Variants in RNF217 observed in about 807,000 individuals in gnomAD.
The protein encoded by RNF217 is E3 ubiquitin-protein ligase RNF217.
RNF217 carries 31 observed loss-of-function variants against 57.8 expected under a neutral mutation model. The observed-to-expected ratio is 0.54, with a 90% CI of 0.40 to 0.72. The LOEUF (loss-of-function observed/expected upper bound fraction) is 0.72. Ranked by LOEUF, RNF217 falls within the 30% of genes least tolerant of loss-of-function variation. The pLI, the probability that RNF217 is intolerant of heterozygous loss-of-function variation, is 0.00. For missense variants in RNF217, 696 were observed against 708.3 expected, an observed-to-expected ratio of 0.98 and a Z score of 0.20; for synonymous variants, 313 against 294.0, an observed-to-expected ratio of 1.06 and a Z score of -0.66.
At chr6:124,976,697 G>A (rs1453717950) in intron 1 of RNF217, among the ~76,000 whole-genome samples, 1 of 151,856 alleles carries the variant, frequency 6.6e-6, no homozygotes, top group African/African-American at 2.4e-5. Context: ...TAGAGATGGG[G>A]TTTCACCATG....
intron 3 of RNF217, among the ~76,000 whole-genome samples, chr6:125,059,940 T>A (rs1361268906): frequency 6.6e-6 from 1 of 152,190 alleles, no homozygotes; most frequent in Non-Finnish European, 1.5e-5. Context: ...CTGGTGGGAT[T>A]TGGGTTCTGT....
Position 125,090,235 on chromosome 6 carries a change from G to GA in RNF217, c.*7302dup, listed in dbSNP as rs1788896299. On this transcript the variant is annotated 3_prime_UTR_variant, in exon 6 of 6. Coordinates refer to ENST00000521654, the MANE Select transcript of RNF217 (RefSeq NM_001286398.3). Reference sequence around the variant, plus strand: ...ACAATCTGTTACAGATTTTTAATATGAAAATTGACAATTTTGTTGCTTTTA... The same window carrying GA: ...ACAATCTGTTACAGATTTTTAATATGAAAAATTGACAATTTTGTTGCTTTTA... 1 of 151,924 alleles carries GA rather than the reference G, an allele frequency of 6.6e-6. No homozygotes were observed. Among genetic ancestry groups the GA allele is most frequent in the South Asian group, 2.1e-4 (1 of 4,822 alleles). 9.4% of individuals were successfully genotyped at this position (151,924 alleles called of 1,614,324 possible).
intron 3 of RNF217, among the ~76,000 whole-genome samples, chr6:125,070,668 C>A (rs938488799): frequency 5.3e-5 from 8 of 152,064 alleles, no homozygotes; most frequent in Non-Finnish European, 8.8e-5. Flanking sequence ...CTATTCATGT[C>A]CTTTGTCCAC....
At chr6:125,024,993 ACC>A (rs2114435012) in intron 1 of RNF217, among the ~76,000 whole-genome samples, 1 of 152,228 alleles carries the variant, frequency 6.6e-6, no homozygotes, top group South Asian at 2.1e-4. Context: ...TATAAATGCA[ACC>A]TCAGAGACTC....
intron 1 of RNF217, among the ~76,000 whole-genome samples, chr6:125,013,698 A>G (rs1370482613): frequency 6.6e-6 from 1 of 152,202 alleles, no homozygotes; most frequent in Admixed American, 6.5e-5. Context: ...ATATAATACC[A>G]AGAATACTCC....
intron 1 of RNF217, among the ~76,000 whole-genome samples, chr6:124,970,336 G>A (rs552648060): frequency 3.9e-5 from 6 of 152,190 alleles, no homozygotes; most frequent in South Asian, 2.1e-4. Flanking sequence ...TGATACAGGC[G>A]AACGCAGTTT....
chr6:124,999,173 A>G (rs1031189969), intron 1 of RNF217, among the ~76,000 whole-genome samples: 4 of 152,240 alleles, frequency 2.6e-5, no homozygotes, highest in African/African-American at 9.6e-5. Flanking sequence ...CCCCTAGTCC[A>G]GTTCTGAGAC....
intron 1 of RNF217, among the ~76,000 whole-genome samples, chr6:124,991,307 A>G (rs1365499979): frequency 6.6e-6 from 1 of 152,122 alleles, no homozygotes; most frequent in Non-Finnish European, 1.5e-5. Context: ...GGACCTTTCC[A>G]GTAGCTGTTC....
chr6:125,073,282 A>T (rs2114633011), intron 3 of RNF217, among the ~76,000 whole-genome samples: 1 of 152,272 alleles, frequency 6.6e-6, no homozygotes, highest in African/African-American at 2.4e-5. Flanking sequence ...TGCTAAATGG[A>T]TGTGGCTACA....
intron 1 of RNF217, among the ~76,000 whole-genome samples, chr6:124,976,059 A>G (rs1331907643): frequency 6.6e-6 from 1 of 152,192 alleles, no homozygotes; most frequent in Non-Finnish European, 1.5e-5. Context: ...GCTTTATGTT[A>G]AACTTATATG....
chr6:125,066,261 T>C (rs1169844040), intron 3 of RNF217, among the ~76,000 whole-genome samples: 1 of 152,146 alleles, frequency 6.6e-6, no homozygotes, highest in African/African-American at 2.4e-5. Flanking sequence ...CTGTTAAACA[T>C]AACGCAGATT....
intron 1 of RNF217, among the ~76,000 whole-genome samples, chr6:125,016,343 A>G (rs887019735): frequency 2.0e-5 from 3 of 152,198 alleles, no homozygotes; most frequent in Non-Finnish European, 4.4e-5. Context: ...CTTGAGGGGA[A>G]TACATTGTCA....
chr6:125,086,024 C>T lies in RNF217; in HGVS notation c.*3087C>T, dbSNP rs1485521925. 1 of 151,954 alleles carries T rather than the reference C, an allele frequency of 6.6e-6. No homozygotes were observed. Among genetic ancestry groups the T allele is most frequent in the Non-Finnish European group, 1.5e-5 (1 of 67,868 alleles). 9.4% of individuals were successfully genotyped at this position (151,954 alleles called of 1,614,324 possible). A position where few individuals can be genotyped will look rare whatever the true frequency, so the allele number is the denominator to read the frequency against. Reference sequence around the variant, plus strand: ...GGACTACAAGATTATTTTCACTTCTCTATTACAAAGAAAGCAAGAGTGAAG... The same window carrying T: ...GGACTACAAGATTATTTTCACTTCTTTATTACAAAGAAAGCAAGAGTGAAG... On this transcript the variant is annotated 3_prime_UTR_variant, in exon 6 of 6. Coordinates refer to ENST00000521654, the MANE Select transcript of RNF217 (RefSeq NM_001286398.3).
chr6:125,029,582 T>C (rs1285206720), intron 1 of RNF217, among the ~76,000 whole-genome samples: 1 of 152,214 alleles, frequency 6.6e-6, no homozygotes, highest in Non-Finnish European at 1.5e-5. Flanking sequence ...GTTAACTTGG[T>C]TTAACATCTA....
intron 3 of RNF217, among the ~76,000 whole-genome samples, chr6:125,074,785 A>T (rs1457624727): frequency 6.6e-6 from 1 of 152,178 alleles, no homozygotes; most frequent in Non-Finnish European, 1.5e-5. Context: ...GATAATTTTA[A>T]AGGAAATATG....
Position 125,086,921 on chromosome 6 carries a change from C to T in RNF217, c.*3984C>T, listed in dbSNP as rs1327694853. 6.6e-6 allele frequency: 1 copy of T among 152,074 alleles called. No individual in the cohort carries two copies. Among genetic ancestry groups the T allele is most frequent in the Non-Finnish European group, 1.5e-5 (1 of 67,994 alleles). The allele number at this position is 152,074 out of a possible 1,614,324, so 9.4% of individuals were successfully genotyped here. On this transcript the variant is annotated 3_prime_UTR_variant, in exon 6 of 6. Coordinates refer to ENST00000521654, the MANE Select transcript of RNF217 (RefSeq NM_001286398.3). ...AGCCTTTATCTTTCAACCTTACCAC[C>T]CAAGTATATGACCAACTGTTCTCCT...
intron 1 of RNF217, among the ~76,000 whole-genome samples, chr6:125,036,542 A>G (rs1254579536): frequency 6.6e-6 from 1 of 152,208 alleles, no homozygotes; most frequent in Non-Finnish European, 1.5e-5. Flanking sequence ...TAAACTAAAG[A>G]GCTTCTGCAC....
intron 1 of RNF217, among the ~76,000 whole-genome samples, chr6:124,966,309 A>G (rs1436030917): frequency 6.6e-6 from 1 of 152,176 alleles, no homozygotes; most frequent in Non-Finnish European, 1.5e-5. Flanking sequence ...TAATTTCCTC[A>G]TCAATGAAAT....
At chr6:125,062,928 A>G (rs543744029) in intron 3 of RNF217, among the ~76,000 whole-genome samples, 1 of 152,288 alleles carries the variant, frequency 6.6e-6, no homozygotes, top group Non-Finnish European at 1.5e-5. Flanking sequence ...TTTTATCTTA[A>G]CAATGAGTTT....
Sources: allele counts gnomAD v4.1 joint callset (sites outside exome capture counted in the v4.1 genomes callset), GRCh38; gene constraint gnomAD v4.1.1; transcripts MANE v1.5; gene names NCBI Gene and HGNC (gene_info 2026-07-23, HGNC 2026-07-21).